Variants in SNTG1 observed in about 807,000 individuals in gnomAD.
SNTG1 encodes the protein syntrophin gamma 1, also known as gamma-1-syntrophin.
A neutral mutation model predicts 74.7 loss-of-function variants in SNTG1; 39 were observed. That is an observed-to-expected ratio of 0.52 (90% confidence interval 0.40 to 0.68). The LOEUF (loss-of-function observed/expected upper bound fraction) is 0.68, where lower values mean the gene tolerates loss of function less well. Ranked by LOEUF, SNTG1 falls within the 30% of genes least tolerant of loss-of-function variation. SNTG1 has a pLI of 0.00. For synonymous variants in SNTG1, 254 were observed against 217.1 expected (o/e 1.17, Z -1.49); for missense variants, 685 against 609.5 (o/e 1.12, Z -1.30).
Position 50,229,790 on chromosome 8 carries a change from C to T in SNTG1, c.-28+57155C>T, listed in dbSNP as rs115018220. On this transcript the variant is annotated intron_variant, in intron 2 of 18. Transcript: ENST00000642720. ...TGGCAAGAGAATTCAAATTCTCCTCCAGCTTATGTCGAACATTCATGAAGA... is the reference window on the plus strand; with the variant it reads ...TGGCAAGAGAATTCAAATTCTCCTCTAGCTTATGTCGAACATTCATGAAGA... Among the ~76,000 whole-genome samples, 479 of 151,460 alleles carry T rather than the reference C, an allele frequency of 3.2e-3. 1 individual carries two copies. Among genetic ancestry groups the T allele is most frequent in the African/African-American group, 0.011 (461 of 41,462 alleles).
chr8:50,430,876 G>T (rs543868498), intron 4 of SNTG1, among the ~76,000 whole-genome samples: 1 of 152,120 alleles, frequency 6.6e-6, no homozygotes, highest in Non-Finnish European at 1.5e-5. Flanking sequence ...GTTAGGAATC[G>T]ACATGGAATT....
intron 2 of SNTG1, among the ~76,000 whole-genome samples, chr8:50,243,307 T>C (rs2086246802): frequency 6.6e-6 from 1 of 152,174 alleles, no homozygotes; most frequent in Non-Finnish European, 1.5e-5. Flanking sequence ...ATATGCTTAG[T>C]TAGGGTTTGA....
chr8:50,572,277 G>T (rs2623223), intron 12 of SNTG1, among the ~76,000 whole-genome samples: 98,798 of 135,514 alleles, frequency 0.73, 34,531 homozygotes, highest in Admixed American at 0.79. Flanking sequence ...TATATATATA[G>T]AGAGAGAGAG....
intron 2 of SNTG1, among the ~76,000 whole-genome samples, chr8:50,297,001 C>T (rs1449255143): frequency 6.6e-6 from 1 of 152,098 alleles, no homozygotes; most frequent in Non-Finnish European, 1.5e-5. Context: ...ATGGGGTCCA[C>T]CTTATCCATC....
intron 2 of SNTG1, among the ~76,000 whole-genome samples, chr8:50,277,984 G>A (rs1166987197): frequency 6.6e-6 from 1 of 152,064 alleles, no homozygotes; most frequent in East Asian, 1.9e-4. Context: ...GGCCAGCCTG[G>A]ACAACATGGT....
chr8:50,278,618 T>C (rs1011140333), intron 2 of SNTG1, among the ~76,000 whole-genome samples: 22 of 152,144 alleles, frequency 1.4e-4, no homozygotes, highest in Non-Finnish European at 2.6e-4. Flanking sequence ...CTCAATCATA[T>C]GTTTAGGGGA....
chr8:50,144,002 C>T (rs993710837), intron 1 of SNTG1, among the ~76,000 whole-genome samples: 4 of 152,138 alleles, frequency 2.6e-5, no homozygotes, highest in Admixed American at 6.6e-5. Flanking sequence ...GGATTTGAGT[C>T]CATGAATCCT....
intron 12 of SNTG1, among the ~76,000 whole-genome samples, chr8:50,578,315 G>A (rs2094588279): frequency 6.6e-6 from 1 of 152,180 alleles, no homozygotes; most frequent in African/African-American, 2.4e-5. Flanking sequence ...GAATTAGCTG[G>A]TGCCAATTTC....
intron 18 of SNTG1, among the ~76,000 whole-genome samples, chr8:50,767,108 AG>A (rs1476661848): frequency 6.6e-6 from 1 of 152,024 alleles, no homozygotes; most frequent in East Asian, 1.9e-4. Context: ...GAATAGACTT[AG>A]AACTTACCAT....
At chr8:50,389,236 G>A (rs1428003104) in intron 2 of SNTG1, among the ~76,000 whole-genome samples, 4 of 152,142 alleles carry the variant, frequency 2.6e-5, no homozygotes, top group Non-Finnish European at 4.4e-5. Context: ...TGCTGTAGTG[G>A]ATACAGTTGT....
rs79680395 is a variant in SNTG1, at chr8:50,122,116, C to T, written c.-102-50445C>T. On this transcript the variant is annotated intron_variant, in intron 1 of 18. Transcript: ENST00000642720. ...GTTTAGGGACCCCCAGTGTCCTCTG[C>T]CATACAGATACACACACACCTTGTA... Among the ~76,000 whole-genome samples, 19 of 140,934 alleles carry T rather than the reference C, an allele frequency of 1.3e-4. 1 individual carries two copies. In the East Asian group the frequency reaches 3.5e-3, roughly 26 times the overall value. The allele number at this position is 140,934 out of a possible 152,430, so 92.5% of individuals were successfully genotyped here.
chr8:50,148,208 T>C (rs375098293), intron 1 of SNTG1, among the ~76,000 whole-genome samples: 2 of 152,112 alleles, frequency 1.3e-5, no homozygotes, highest in African/African-American at 4.8e-5. Flanking sequence ...TTCATACTGG[T>C]ATAAAAATGA....
chr8:49,937,379 C>T (rs1336422986), intron 1 of SNTG1, among the ~76,000 whole-genome samples: 2 of 152,126 alleles, frequency 1.3e-5, no homozygotes, highest in Non-Finnish European at 2.9e-5. Flanking sequence ...GGGTGGGGTT[C>T]AGCGTGCTGA....
chr8:50,291,210 T>C (rs16914645), intron 2 of SNTG1, among the ~76,000 whole-genome samples: 10,487 of 148,744 alleles, frequency 0.071, 404 homozygotes, highest in African/African-American at 0.086. Context: ...GACAGACTTA[T>C]GTGTTTATAT....
At chr8:50,531,154 G>A (rs766018813) in intron 10 of SNTG1, among the ~76,000 whole-genome samples, 24 of 152,152 alleles carry the variant, frequency 1.6e-4, no homozygotes, top group African/African-American at 4.3e-4. Flanking sequence ...TGGCTTTCAC[G>A]GTACCTGATT....
At chr8:50,772,931 C>T (rs767462681) in intron 18 of SNTG1, among the ~76,000 whole-genome samples, 1 of 152,104 alleles carries the variant, frequency 6.6e-6, no homozygotes, top group Non-Finnish European at 1.5e-5. Context: ...TTTGGACATG[C>T]CCACTCCACT....
At chr8:50,203,104 T>C (rs1199004231) in intron 2 of SNTG1, among the ~76,000 whole-genome samples, 1 of 152,176 alleles carries the variant, frequency 6.6e-6, no homozygotes, top group African/African-American at 2.4e-5. Flanking sequence ...TTTTTGCTTT[T>C]TCCATTTCAG....
chr8:50,335,367 G>A (rs966181511), intron 2 of SNTG1, among the ~76,000 whole-genome samples: 8 of 152,290 alleles, frequency 5.3e-5, no homozygotes, highest in Admixed American at 1.3e-4. Flanking sequence ...GAAATCACAC[G>A]TCAGCAGAGC....
chr8:50,452,672 A>G (rs1475757459), intron 8 of SNTG1, among the ~76,000 whole-genome samples: 1 of 152,238 alleles, frequency 6.6e-6, no homozygotes, highest in Non-Finnish European at 1.5e-5. Context: ...ATTGTATTGC[A>G]AATTATATGT....
Sources: allele counts gnomAD v4.1 joint callset (sites outside exome capture counted in the v4.1 genomes callset), GRCh38; gene constraint gnomAD v4.1.1; transcripts MANE v1.5; gene names NCBI Gene and HGNC (gene_info 2026-07-23, HGNC 2026-07-21).